Variants in CDH4 observed in about 807,000 individuals in gnomAD.
CDH4 encodes cadherin 4, also known as cadherin-4.
A neutral mutation model predicts 86.0 loss-of-function variants in CDH4; 33 were observed. That is an observed-to-expected ratio of 0.38 (90% CI 0.29 to 0.51). The LOEUF is 0.51. Ranked by LOEUF, CDH4 falls within the 20% of genes least tolerant of loss-of-function variation. CDH4 has a pLI of 0.86. For missense variants in CDH4, 1,114 were observed against 1,307.4 expected, an observed-to-expected ratio of 0.85 and a Z score of 2.28; for synonymous variants, 555 against 549.4, an observed-to-expected ratio of 1.01 and a Z score of -0.14.
At chr20:61,389,509 A>C (rs2084969473) in intron 2 of CDH4, among the ~76,000 whole-genome samples, 1 of 152,232 alleles carries the variant, frequency 6.6e-6, no homozygotes, top group African/African-American at 2.4e-5. Context: ...TGGATTTGAC[A>C]AATCCAATGT....
At chr20:61,714,192 A>G (rs1028760512) in intron 2 of CDH4, among the ~76,000 whole-genome samples, 27 of 152,064 alleles carry the variant, frequency 1.8e-4, no homozygotes, top group African/African-American at 6.5e-4. Flanking sequence ...AACTACAGGC[A>G]TCCGCCACCA....
At chr20:61,383,571 T>TC (rs2084927854) in intron 2 of CDH4, among the ~76,000 whole-genome samples, 1 of 61,196 alleles carries the variant, frequency 1.6e-5, no homozygotes, top group East Asian at 5.7e-4. Context: ...TGATATATGA[T>TC]ATATATGAAT....
chr20:61,272,086 A>G (rs2123139831), intron 2 of CDH4, among the ~76,000 whole-genome samples: 1 of 152,294 alleles, frequency 6.6e-6, no homozygotes, highest in Middle Eastern at 3.4e-3. Flanking sequence ...TTACAAAAGA[A>G]GCCCCAAGAA....
chr20:61,927,497 C>T (rs556793048), intron 11 of CDH4, among the ~76,000 whole-genome samples: 4 of 152,296 alleles, frequency 2.6e-5, no homozygotes, highest in South Asian at 4.1e-4. Flanking sequence ...CTGGAGCGGC[C>T]GCGCCTGCTT....
chr20:61,774,427 C>T (rs1037453565), intron 4 of CDH4, among the ~76,000 whole-genome samples: 1 of 152,226 alleles, frequency 6.6e-6, no homozygotes, highest in Non-Finnish European at 1.5e-5. Context: ...ATGCTGCGCC[C>T]ACCTCACCAT....
At chr20:61,386,371 G>A (rs1019176507) in intron 2 of CDH4, among the ~76,000 whole-genome samples, 13 of 152,104 alleles carry the variant, frequency 8.5e-5, no homozygotes, top group African/African-American at 2.9e-4. Context: ...AGGAGACATT[G>A]GATAAGTGGA....
At chr20:61,475,923 A>C (rs1338871077) in intron 2 of CDH4, among the ~76,000 whole-genome samples, 2 of 152,022 alleles carry the variant, frequency 1.3e-5, no homozygotes, top group Non-Finnish European at 2.9e-5. Context: ...TGTTGCAGCC[A>C]AAGGCAGAAT....
At chr20:61,527,717 G>A (rs1328992785) in intron 2 of CDH4, among the ~76,000 whole-genome samples, 2 of 152,092 alleles carry the variant, frequency 1.3e-5, no homozygotes, top group Non-Finnish European at 2.9e-5. Flanking sequence ...AGAGGGTCCT[G>A]TCCTGGTGTC....
In CDH4 at chr20:61,484,556, G is replaced by A. The variant is rs544014920; in HGVS notation, c.169+229619G>A. Among the ~76,000 whole-genome samples, 159 of 152,330 alleles carry A rather than the reference G, an allele frequency of 1.0e-3. 1 individual carries two copies. Among genetic ancestry groups the A allele is most frequent in the African/African-American group, 3.6e-3 (149 of 41,580 alleles). On this transcript the variant is annotated intron_variant, in intron 2 of 15. Transcript: ENST00000614565. Reference sequence around the variant, plus strand: ...TGGTTTCCTTTATCACCACAACCACGTGAAGAGCAGCCCTGGAGCCAGTGC... The same window carrying A: ...TGGTTTCCTTTATCACCACAACCACATGAAGAGCAGCCCTGGAGCCAGTGC...
intron 11 of CDH4, 105 bp downstream of exon 11, chr20:61,924,581 G>A (rs2055024490): frequency 1.6e-6 from 2 of 1,289,728 alleles, no homozygotes; most frequent in Non-Finnish European, 2.1e-6. Flanking sequence ...AGGCCAGCAG[G>A]CATCCAGAGG....
At chr20:61,639,625 T>C (rs1278965240) in intron 2 of CDH4, among the ~76,000 whole-genome samples, 1 of 152,218 alleles carries the variant, frequency 6.6e-6, no homozygotes, top group Admixed American at 6.5e-5. Flanking sequence ...ATACATCGCG[T>C]CAGTGCTTGC....
At chr20:61,897,458 A>G (rs1985183785) in intron 8 of CDH4, among the ~76,000 whole-genome samples, 1 of 151,808 alleles carries the variant, frequency 6.6e-6, no homozygotes, top group African/African-American at 2.4e-5. Flanking sequence ...AGCCACCACC[A>G]TTTACCAGCA....
intron 2 of CDH4, among the ~76,000 whole-genome samples, chr20:61,337,504 C>T (rs1040896148): frequency 1.3e-5 from 2 of 151,804 alleles, no homozygotes; most frequent in Admixed American, 6.6e-5. Flanking sequence ...ATGATAAAAA[C>T]GGATGATGAT....
intron 2 of CDH4, among the ~76,000 whole-genome samples, chr20:61,361,718 G>A (rs28718605): frequency 7.2e-5 from 11 of 152,346 alleles, no homozygotes; most frequent in African/African-American, 2.6e-4. Flanking sequence ...GCCCGAGTCA[G>A]GAAAGCGGTG....
chr20:61,913,214 C>T (rs565298795), intron 9 of CDH4, among the ~76,000 whole-genome samples: 4 of 152,300 alleles, frequency 2.6e-5, no homozygotes, highest in South Asian at 2.1e-4. Context: ...CACACAGCCC[C>T]GCCACCTTCA....
intron 2 of CDH4, among the ~76,000 whole-genome samples, chr20:61,742,336 A>G (rs2088351623): frequency 6.6e-6 from 1 of 152,186 alleles, no homozygotes; most frequent in South Asian, 2.1e-4. Context: ...AATGTTTCAC[A>G]TGAAACCCAC....
At chr20:61,853,032 C>T (rs1483341432) in intron 6 of CDH4, 134 bp downstream of exon 6, 2 of 901,330 alleles carry the variant, frequency 2.2e-6, no homozygotes, top group Non-Finnish European at 1.7e-6. Context: ...AGACACACAG[C>T]ATGCAGCAGA....
At chr20:61,521,471 G>A (rs73150288) in intron 2 of CDH4, among the ~76,000 whole-genome samples, 24 of 152,168 alleles carry the variant, frequency 1.6e-4, no homozygotes, top group African/African-American at 5.6e-4. Flanking sequence ...CTCCAGCTCC[G>A]TGAACAAGCA....
chr20:61,765,184 AC>A (rs2088683757), intron 3 of CDH4, among the ~76,000 whole-genome samples: 3 of 152,058 alleles, frequency 2.0e-5, no homozygotes. Flanking sequence ...GGGCCCCTAG[AC>A]AAGTTCATCT....
Sources: gnomAD v4.1 joint callset for allele counts (sites outside exome capture counted in the v4.1 genomes callset) on GRCh38, gnomAD v4.1.1 for gene constraint, MANE v1.5 for transcripts, NCBI Gene and HGNC (gene_info 2026-07-23, HGNC 2026-07-21) for gene names.